TMEM120A: variants seen among roughly 807,000 people sequenced by gnomAD.
TMEM120A encodes the protein ion channel TACAN.
A neutral mutation model predicts 54.3 loss-of-function variants in TMEM120A; 45 were observed. The observed-to-expected ratio is 0.83, with a 90% CI of 0.65 to 1.06. The LOEUF (loss-of-function observed/expected upper bound fraction) is 1.06, where lower values mean the gene tolerates loss of function less well. Ranked by LOEUF, TMEM120A falls within the 50% of genes least tolerant of loss-of-function variation. TMEM120A has a pLI of 0.00. For missense variants in TMEM120A, 424 were observed against 441.7 expected (o/e 0.96, Z 0.36); for synonymous variants, 204 against 178.5 (o/e 1.14, Z -1.14).
chr7:75,992,410 C>T (rs1554562051), intron 2 of TMEM120A, 29 bp downstream of exon 2: 1 of 1,580,696 alleles, frequency 6.3e-7, no homozygotes, highest in South Asian at 1.1e-5. Context: ...CACACTCTGC[C>T]CATGGCGGGT....
intron 8 of TMEM120A, 33 bp from the exon 9 acceptor site, chr7:75,987,843 G>A (rs1554560362): frequency 2.5e-6 from 4 of 1,604,526 alleles, no homozygotes; most frequent in Non-Finnish European, 2.6e-6. Flanking sequence ...GAGCAGGGCT[G>A]AGCCCCGGGA....
chr7:75,992,125 T>C lies in TMEM120A; in HGVS notation c.317+19A>G. ...GAGTGGCTGTGAACTGAGCTGGGGGTGGCGGTGGGGGCCCTCACCCATTCT... is the reference window on the plus strand; with the variant it reads ...GAGTGGCTGTGAACTGAGCTGGGGGCGGCGGTGGGGGCCCTCACCCATTCT... On this transcript the variant is annotated intron_variant, in intron 3 of 11. Coordinates refer to ENST00000493111, the MANE Select transcript of TMEM120A (RefSeq NM_031925.3). The C allele has an allele frequency of 6.5e-7, 1 of 1,548,630 alleles. No individual in the cohort carries two copies. Among genetic ancestry groups the C allele is most frequent in the Non-Finnish European group, 8.8e-7 (1 of 1,136,082 alleles).
chr7:75,994,573 C>A lies in TMEM120A; in HGVS notation c.-3G>T. The A allele has an allele frequency of 6.5e-7, 1 of 1,538,640 alleles. No homozygotes were observed. Among genetic ancestry groups the A allele is most frequent in the Non-Finnish European group, 8.8e-7 (1 of 1,142,206 alleles). Reference sequence around the variant, plus strand: ...GGGCCCGGGGGCGGGGGCTGCATGGCTGCAGCGCCAGTAGCCAGTAGTGGA... The same window carrying A: ...GGGCCCGGGGGCGGGGGCTGCATGGATGCAGCGCCAGTAGCCAGTAGTGGA... On this transcript the variant is annotated 5_prime_UTR_variant, in exon 1 of 12. Coordinates refer to ENST00000493111, the MANE Select transcript of TMEM120A (RefSeq NM_031925.3).
At chr7:75,989,122 GT>G in intron 4 of TMEM120A, 42 bp downstream of exon 4, 4 of 678,928 alleles carry the variant, frequency 5.9e-6, no homozygotes, top group South Asian at 5.2e-5. Context: ...GGGGCTAGGG[GT>G]GGAGGGGTGG....
Position 75,988,533 on chromosome 7 carries a change from G to T in TMEM120A, c.378-17C>A. ...TAGGCAAACCTGGGGGGCGCAGGCCGGTGAGACGGGTGGGGTGCTGGTGGG... is the reference window on the plus strand; with the variant it reads ...TAGGCAAACCTGGGGGGCGCAGGCCTGTGAGACGGGTGGGGTGCTGGTGGG... On this transcript the variant is annotated splice_polypyrimidine_tract_variant and intron_variant, in intron 4 of 11. Coordinates refer to ENST00000493111, the MANE Select transcript of TMEM120A (RefSeq NM_031925.3). 6.3e-7 allele frequency: 1 copy of T among 1,582,180 alleles called. No individual in the cohort carries two copies. Among genetic ancestry groups the T allele is most frequent in the Non-Finnish European group, 8.6e-7 (1 of 1,161,346 alleles).
chr7:75,988,354 G>A lies in TMEM120A; in HGVS notation c.474-13C>T. Reference sequence around the variant, plus strand: ...AGCATCTGTCACCCTGCGGAGGGAGGGGACCGAGGGTTGGTACTGCAGCGA... The same window carrying A: ...AGCATCTGTCACCCTGCGGAGGGAGAGGACCGAGGGTTGGTACTGCAGCGA... On this transcript the variant is annotated splice_polypyrimidine_tract_variant and intron_variant, in intron 5 of 11. Transcript: ENST00000493111. 1.2e-6 allele frequency: 2 copies of A among 1,611,888 alleles called. No individual in the cohort carries two copies. The highest frequency in any genetic ancestry group is 8.5e-7 in the Non-Finnish European group (1 of 1,179,652).
chr7:75,987,674 G>A lies in TMEM120A; in HGVS notation c.784+44C>T, dbSNP rs1213733489. On this transcript the variant is annotated intron_variant, in intron 9 of 11. Transcript: ENST00000493111. ...ACGCTACCACTCAGACCCGGGATGG[G>A]AGGAAAGGGGAATGTCCAGATGCCA... 11 of 1,607,954 alleles carry A rather than the reference G, an allele frequency of 6.8e-6. No individual in the cohort carries two copies. In the African/African-American group the frequency reaches 1.3e-4, roughly 20 times the overall value.
At position 75,987,363 on chromosome 7, in the gene TMEM120A, C is replaced by T; in HGVS notation, c.915G>A (p.Trp305Ter). The T allele has an allele frequency of 6.4e-7, 1 of 1,564,848 alleles. No homozygotes were observed. The highest frequency in any genetic ancestry group is 2.4e-5 in the East Asian group (1 of 41,822). Reference sequence around the variant, plus strand: ...CTGTCCAGGGACCCCGGCTCACCTGCCACTCCTTGCACTGAGGGTCCTGGG... The same window carrying T: ...CTGTCCAGGGACCCCGGCTCACCTGTCACTCCTTGCACTGAGGGTCCTGGG... ...NLAQDPQCKE[W>*]QVLMCGFPFL... The change falls in exon 11 of 12, where the codon TGG (tryptophan) becomes TGA (stop). Residue 305 changes from tryptophan (W) to a stop codon, truncating the protein, a stop_gained. Transcript: ENST00000493111. LOFTEE classifies it high-confidence loss of function.
intron 2 of TMEM120A, 65 bp from the exon 3 acceptor site, chr7:75,992,325 G>A (rs1365399259): frequency 5.1e-6 from 8 of 1,557,206 alleles, no homozygotes; most frequent in African/African-American, 1.4e-5. Flanking sequence ...GACTCCCACA[G>A]GGGCAGAAGG....
chr7:75,987,238 G>A lies in TMEM120A; in HGVS notation c.966C>T (p.Phe322=), dbSNP rs1554559949. ...GGTGCACAACCCTCAGGGTGGTGAA[G>A]AAATTGCCGAGGAAAAGGAGGAGGA... is the stretch of plus-strand genomic sequence containing the variant. ...FPFLLLFLGN[F]FTTLRVVHHK... The change falls in exon 12 of 12, where the codon TTC becomes TTT. Residue 322 remains phenylalanine, a synonymous_variant. Coordinates refer to ENST00000493111, the MANE Select transcript of TMEM120A (RefSeq NM_031925.3). 1 of 1,608,740 alleles carries A rather than the reference G, an allele frequency of 6.2e-7. No homozygotes were observed. Among genetic ancestry groups the A allele is most frequent in the African/African-American group, 1.3e-5 (1 of 74,966 alleles).
intron 1 of TMEM120A, among the ~76,000 whole-genome samples, chr7:75,994,067 G>A (rs1554562503): frequency 6.6e-6 from 1 of 151,832 alleles, no homozygotes; most frequent in African/African-American, 2.4e-5. Flanking sequence ...CCTCTGCCTG[G>A]GGCGTCCCCC....
chr7:75,988,018 C>A, intron 7 of TMEM120A, 34 bp from the exon 8 acceptor site: 1 of 1,594,626 alleles, frequency 6.3e-7, no homozygotes, highest in Non-Finnish European at 8.5e-7. Context: ...TGTGGGGACC[C>A]TTGGGGATGC....
At position 75,989,241 on chromosome 7, in the gene TMEM120A, C is replaced by T. The variant is rs782796233; in HGVS notation, c.318-17G>A. ...AGGTACAATCTAGGGAAGGGGGTGGCGGGGTGAGGAGAAGCCCGAGTGACA... is the reference window on the plus strand; with the variant it reads ...AGGTACAATCTAGGGAAGGGGGTGGTGGGGTGAGGAGAAGCCCGAGTGACA... On this transcript the variant is annotated splice_polypyrimidine_tract_variant and intron_variant, in intron 3 of 11. Transcript: ENST00000493111. The T allele has an allele frequency of 6.3e-5, 97 of 1,540,886 alleles. No homozygotes were observed. The highest frequency in any genetic ancestry group is 5.1e-4 in the African/African-American group (37 of 72,286).
In TMEM120A at chr7:75,994,022, C is replaced by A. The variant is rs560706744; in HGVS notation, c.81+468G>T. Among the ~76,000 whole-genome samples the A allele has an allele frequency of 7.8e-3, 1,180 of 151,534 alleles. 12 individuals carry two copies. Among genetic ancestry groups the A allele is most frequent in the African/African-American group, 0.027 (1,116 of 41,316 alleles). Reference sequence around the variant, plus strand: ...GCCACATGGGCCTGTCAAGTCCCCTCTTTCCTTCCAAAGGCCTCGGCGGCG... The same window carrying A: ...GCCACATGGGCCTGTCAAGTCCCCTATTTCCTTCCAAAGGCCTCGGCGGCG... On this transcript the variant is annotated intron_variant, in intron 1 of 11. Transcript: ENST00000493111.
chr7:75,987,097 C>G lies in TMEM120A; in HGVS notation c.*75G>C. On this transcript the variant is annotated 3_prime_UTR_variant, in exon 12 of 12. Coordinates refer to ENST00000493111, the MANE Select transcript of TMEM120A (RefSeq NM_031925.3). ...AGAGACCCCCTGATACACGCACACT[C>G]GAGGGGCGCCTCCCATCCCCTCCCA... 7.9e-7 allele frequency: 1 copy of G among 1,261,680 alleles called. No individual in the cohort carries two copies. The highest frequency in any genetic ancestry group is 1.1e-6 in the Non-Finnish European group (1 of 883,748). The allele number at this position is 1,261,680 out of a possible 1,614,324, so 78.2% of individuals were successfully genotyped here.
Position 75,992,186 on chromosome 7 carries a change from C to A in TMEM120A, c.275G>T (p.Gly92Val). 2 of 1,612,042 alleles carry A rather than the reference C, an allele frequency of 1.2e-6. No individual in the cohort carries two copies. The highest frequency in any genetic ancestry group is 1.7e-6 in the Non-Finnish European group (2 of 1,179,124). ...ATAGGCCTCCATGTCAAAGAAGAGG[C>A]CTTGGCGCTCTTTCATCTGGTTCTC... ...ELENQMKERQ[G>V]LFFDMEAYLP... is the part of the protein sequence containing the mutation. The change falls in exon 3 of 12, where the codon GGC (glycine) becomes GTC (valine). Residue 92 changes from glycine (G) to valine (V), a missense_variant. Transcript: ENST00000493111.
chr7:75,992,272 G>C lies in TMEM120A; in HGVS notation c.201-12C>G. On this transcript the variant is annotated splice_polypyrimidine_tract_variant and intron_variant, in intron 2 of 11. Transcript: ENST00000493111. ...GGGAGGGTTTGCATCTGCGGGTAAG[G>C]CCAGAAACAGTCAGGGCAAGAGGAC... 1 of 1,597,842 alleles carries C rather than the reference G, an allele frequency of 6.3e-7. No individual in the cohort carries two copies. Among genetic ancestry groups the C allele is most frequent in the South Asian group, 1.1e-5 (1 of 89,292 alleles).
At chr7:75,989,262 T>C (rs1207736947) in intron 3 of TMEM120A, 38 bp from the exon 4 acceptor site, 3 of 1,398,486 alleles carry the variant, frequency 2.1e-6, no homozygotes, top group African/African-American at 1.4e-5. Context: ...GAAGCCCGAG[T>C]GACAGACAAG....
In TMEM120A at chr7:75,992,521, G is replaced by C. The variant is rs1789886659; in HGVS notation, c.118C>G (p.Leu40Val). 6.3e-7 allele frequency: 1 copy of C among 1,588,548 alleles called. No homozygotes were observed. The highest frequency in any genetic ancestry group is 8.6e-7 in the Non-Finnish European group (1 of 1,168,124). ...HRLYRLKLEELTKLQNNCTSS... is the reference protein window; with the variant it reads ...HRLYRLKLEEVTKLQNNCTSS... ...GTGCAATTGTTCTGAAGTTTGGTCA[G>C]CTCCTCCAGCTTCAGGCGGTAGAGC... is the stretch of plus-strand genomic sequence containing the variant. The change falls in exon 2 of 12, where the codon CTG (leucine) becomes GTG (valine). Residue 40 changes from leucine to valine, a missense_variant. Coordinates refer to ENST00000493111, the MANE Select transcript of TMEM120A (RefSeq NM_031925.3).
Sources: gnomAD v4.1 joint callset for allele counts (sites outside exome capture counted in the v4.1 genomes callset) on GRCh38, gnomAD v4.1.1 for gene constraint, MANE v1.5 for transcripts, NCBI Gene and HGNC (gene_info 2026-07-23, HGNC 2026-07-21) for gene names.